Variants in PPP2R5E observed in about 807,000 individuals in gnomAD.
The protein encoded by PPP2R5E is protein phosphatase 2 regulatory subunit B'epsilon, also known as serine/threonine-protein phosphatase 2A 56 kDa regulatory subunit epsilon isoform.
PPP2R5E carries 4 observed loss-of-function variants against 65.3 expected under a neutral mutation model. The observed-to-expected ratio is 0.06, with a 90% confidence interval of 0.03 to 0.14. PPP2R5E has a LOEUF of 0.14. Among genes scored for constraint, PPP2R5E ranks in the 10% least tolerant of loss-of-function variants. PPP2R5E has a pLI of 1.00. For synonymous variants in PPP2R5E, 183 were observed against 187.4 expected (o/e 0.98, Z 0.19); for missense variants, 274 against 556.1 (o/e 0.49, Z 5.10).
At chr14:63,450,774 C>CAAA (rs111969964) in intron 3 of PPP2R5E, among the ~76,000 whole-genome samples, 2 of 88,688 alleles carry the variant, frequency 2.3e-5, no homozygotes, top group Admixed American at 2.4e-4. Context: ...TGTGAAAAGA[C>CAAA]AAAAAAAAAA....
intron 3 of PPP2R5E, among the ~76,000 whole-genome samples, chr14:63,449,929 A>G (rs1317771925): frequency 2.2e-5 from 3 of 137,298 alleles, no homozygotes; most frequent in Non-Finnish European, 4.5e-5. Context: ...AGGCAGGAGT[A>G]CAGTGGCACA....
chr14:63,446,400 C>T lies in PPP2R5E; in HGVS notation c.354+7289G>A, dbSNP rs140472897. 8.9e-3 allele frequency among the ~76,000 whole-genome samples: 1,352 copies of T among 152,194 alleles called. 24 individuals carry two copies. The highest frequency in any genetic ancestry group is 0.031 in the African/African-American group (1,301 of 41,510). ...TTCAGAAGGTTTTCGATTTGTTTTG[C>T]CCAGATCCATCAGAGGAATTACTAT... is the stretch of plus-strand genomic sequence containing the variant. On this transcript the variant is annotated intron_variant, in intron 3 of 13. Coordinates refer to ENST00000337537, the MANE Select transcript of PPP2R5E (RefSeq NM_006246.5).
chr14:63,458,082 A>G (rs1250773838), intron 2 of PPP2R5E, among the ~76,000 whole-genome samples: 1 of 152,212 alleles, frequency 6.6e-6, no homozygotes, highest in African/African-American at 2.4e-5. Context: ...TTACATCTGA[A>G]TATTTTTTAA....
At chr14:63,523,515 C>G (rs1053635212) in intron 2 of PPP2R5E, among the ~76,000 whole-genome samples, 1 of 151,806 alleles carries the variant, frequency 6.6e-6, no homozygotes, top group Non-Finnish European at 1.5e-5. Context: ...AGGCAGCATG[C>G]TCGTTAAGAG....
intron 2 of PPP2R5E, among the ~76,000 whole-genome samples, chr14:63,515,626 T>C (rs969997267): frequency 6.6e-6 from 1 of 151,912 alleles, no homozygotes; most frequent in African/African-American, 2.4e-5. Context: ...ATTCAAACAA[T>C]TCTCCTGCCT....
At chr14:63,460,152 G>A (rs149907988) in intron 2 of PPP2R5E, among the ~76,000 whole-genome samples, 39 of 152,262 alleles carry the variant, frequency 2.6e-4, no homozygotes, top group African/African-American at 8.7e-4. Context: ...TAACAATCAT[G>A]AACACTTACA....
At chr14:63,393,989 G>A (rs1885181176) in intron 7 of PPP2R5E, 61 bp from the exon 8 acceptor site, 1 of 905,466 alleles carries the variant, frequency 1.1e-6, no homozygotes, top group African/African-American at 1.7e-5. Context: ...GAGACAAACT[G>A]TTCTTGTGAT....
intron 10 of PPP2R5E, among the ~76,000 whole-genome samples, chr14:63,390,194 G>A (rs1009323855): frequency 2.0e-5 from 3 of 151,654 alleles, no homozygotes; most frequent in South Asian, 2.1e-4. Context: ...GCTCTAGAAC[G>A]CACTCATTAA....
intron 2 of PPP2R5E, among the ~76,000 whole-genome samples, chr14:63,460,533 T>C (rs888813910): frequency 6.6e-6 from 1 of 152,218 alleles, no homozygotes; most frequent in Non-Finnish European, 1.5e-5. Context: ...GGTTGACTTT[T>C]CTATTAAATA....
intron 3 of PPP2R5E, among the ~76,000 whole-genome samples, chr14:63,430,345 GTATA>G (rs1594865671): frequency 2.9e-5 from 4 of 137,204 alleles, no homozygotes; most frequent in East Asian, 2.2e-4. Context: ...GAAAACCCAT[GTATA>G]CATACATACA....
intron 3 of PPP2R5E, among the ~76,000 whole-genome samples, chr14:63,423,667 T>C (rs1887167692): frequency 6.6e-6 from 1 of 152,178 alleles, no homozygotes; most frequent in South Asian, 2.1e-4. Flanking sequence ...CTACATAATA[T>C]ACTGCTCTGA....
At chr14:63,473,975 T>C (rs1342214713) in intron 2 of PPP2R5E, among the ~76,000 whole-genome samples, 2 of 152,184 alleles carry the variant, frequency 1.3e-5, no homozygotes, top group Non-Finnish European at 2.9e-5. Context: ...GTTTGTATTA[T>C]TAAAACCTGA....
At chr14:63,398,418 C>T (rs563055584) in intron 5 of PPP2R5E, among the ~76,000 whole-genome samples, 1 of 152,234 alleles carries the variant, frequency 6.6e-6, no homozygotes, top group East Asian at 1.9e-4. Flanking sequence ...AATTAAGAGC[C>T]CAAAAGTAAG....
Position 63,421,052 on chromosome 14 carries a change from CAAAAAAAAAAAAAAAAAAAAA to C in PPP2R5E, c.456+920_456+940del, listed in dbSNP as rs56297942. Among the ~76,000 whole-genome samples the C allele has an allele frequency of 1.9e-3, 20 of 10,296 alleles. 4 individuals are homozygous for C. Among genetic ancestry groups the C allele is most frequent in the East Asian group, 8.4e-3 (2 of 238 alleles). The allele number at this position is 10,296 out of a possible 152,430, so 6.8% of individuals were successfully genotyped here. On this transcript the variant is annotated intron_variant, in intron 4 of 13. Coordinates refer to ENST00000337537, the MANE Select transcript of PPP2R5E (RefSeq NM_006246.5). ...TGGGCGACAGAGCGAGACTCCGTCT[CAAAAAAAAAAAAAAAAAAAAA>C]AAAAAAAAAAAAAAAAGTCAACCTG...
intron 3 of PPP2R5E, among the ~76,000 whole-genome samples, chr14:63,448,933 G>A (rs1888662816): frequency 1.3e-5 from 2 of 151,958 alleles, no homozygotes; most frequent in South Asian, 4.1e-4. Flanking sequence ...TCATTTAATT[G>A]TTAAAAATGG....
At chr14:63,500,624 C>T (rs1891828550) in intron 2 of PPP2R5E, among the ~76,000 whole-genome samples, 1 of 152,062 alleles carries the variant, frequency 6.6e-6, no homozygotes, top group South Asian at 2.1e-4. Context: ...GAGGCCACGG[C>T]AAGAGGATCT....
intron 3 of PPP2R5E, among the ~76,000 whole-genome samples, chr14:63,444,862 T>C (rs1015932029): frequency 6.6e-6 from 1 of 152,230 alleles, no homozygotes; most frequent in African/African-American, 2.4e-5. Flanking sequence ...GTCCTGATTC[T>C]CATTTTTTCA....
intron 2 of PPP2R5E, among the ~76,000 whole-genome samples, chr14:63,520,807 A>G (rs569403638): frequency 7.6e-4 from 110 of 145,428 alleles, no homozygotes; most frequent in African/African-American, 2.6e-3. Flanking sequence ...CGAGGTCAGC[A>G]GATTGAGACC....
intron 2 of PPP2R5E, chr14:63,508,316 C>T (rs1892309109): frequency 1.6e-6 from 1 of 630,684 alleles, no homozygotes. Context: ...ACTCTTTGTT[C>T]TGTCACTCTC....
Sources: gnomAD v4.1 joint callset for allele counts (sites outside exome capture counted in the v4.1 genomes callset) on GRCh38, gnomAD v4.1.1 for gene constraint, MANE v1.5 for transcripts, NCBI Gene and HGNC (gene_info 2026-07-23, HGNC 2026-07-21) for gene names.